IL22RA1: variants seen among roughly 807,000 people sequenced by gnomAD.
IL22RA1 encodes the protein interleukin 22 receptor subunit alpha 1.
A neutral mutation model predicts 32.8 loss-of-function variants in IL22RA1; 25 were observed. The observed-to-expected ratio is 0.76, with a 90% CI of 0.55 to 1.06. The LOEUF is 1.06. Among genes scored for constraint, IL22RA1 ranks in the 50% least tolerant of loss-of-function variants. The probability of loss-of-function intolerance (pLI) is 0.00; values close to 1 mark genes in which losing one functional copy is unlikely to be tolerated. For missense variants in IL22RA1, 709 were observed against 727.4 expected, an observed-to-expected ratio of 0.97 and a Z score of 0.29; for synonymous variants, 305 against 305.0, an observed-to-expected ratio of 1.00 and a Z score of 0.00.
chr1:24,135,597 T>A (rs910247048), intron 3 of IL22RA1, among the ~76,000 whole-genome samples: 1 of 152,194 alleles, frequency 6.6e-6, no homozygotes, highest in African/African-American at 2.4e-5. Flanking sequence ...GGGTAATTTA[T>A]AAAGGAAAGA....
Position 24,121,668 on chromosome 1 carries a change from C to A in IL22RA1, c.862G>T (p.Asp288Tyr), listed in dbSNP as rs1427837314. 1.9e-6 allele frequency: 3 copies of A among 1,605,260 alleles called. No homozygotes were observed. Among genetic ancestry groups the A allele is most frequent in the Non-Finnish European group, 2.6e-6 (3 of 1,174,724 alleles). The change falls in exon 7 of 7, where the codon GAC (aspartate) becomes TAC (tyrosine). Residue 288 changes from aspartate to tyrosine, a missense_variant. Coordinates refer to ENST00000270800, the MANE Select transcript of IL22RA1 (RefSeq NM_021258.4). Reference protein sequence around the residue: ...IQEHVLIPVFDLSGPSSLAQP... With the variant: ...IQEHVLIPVFYLSGPSSLAQP... Reference sequence around the variant, plus strand: ...GCCAGACTGCTGGGGCCGCTGAGGTCAAAGACAGGGATCAGGACGTGCTCC... The same window carrying A: ...GCCAGACTGCTGGGGCCGCTGAGGTAAAAGACAGGGATCAGGACGTGCTCC...
intron 3 of IL22RA1, chr1:24,134,803 T>C: frequency 1.0e-6 from 1 of 974,144 alleles, no homozygotes. Flanking sequence ...TGGGGCCTAA[T>C]ACTATTGATG....
chr1:24,129,900 T>A (rs1327791581), intron 4 of IL22RA1, among the ~76,000 whole-genome samples: 7 of 152,196 alleles, frequency 4.6e-5, no homozygotes, highest in Non-Finnish European at 1.0e-4. Context: ...CCCTGATTCC[T>A]CCTTTCCCAA....
intron 2 of IL22RA1, 100 bp from the exon 3 acceptor site, chr1:24,137,409 C>T: frequency 9.2e-7 from 1 of 1,086,474 alleles, no homozygotes; most frequent in Non-Finnish European, 1.3e-6. Context: ...ATTTACTTAG[C>T]ACGTTCAGTG....
At chr1:24,131,169 C>G (rs1043613805) in intron 4 of IL22RA1, among the ~76,000 whole-genome samples, 26 of 151,926 alleles carry the variant, frequency 1.7e-4, no homozygotes, top group Admixed American at 3.9e-4. Flanking sequence ...ATTTAAAAAC[C>G]CACTGAATTA....
chr1:24,142,955 G>T, intron 1 of IL22RA1, 85 bp downstream of exon 1: 1 of 1,314,240 alleles, frequency 7.6e-7, no homozygotes, highest in Non-Finnish European at 1.1e-6. Context: ...GCTATGCTCG[G>T]GCTGGGGAGG....
At chr1:24,129,268 T>G (rs928008406) in intron 4 of IL22RA1, among the ~76,000 whole-genome samples, 1 of 152,218 alleles carries the variant, frequency 6.6e-6, no homozygotes, top group African/African-American at 2.4e-5. Flanking sequence ...CTCCAGCCAC[T>G]TAGTGATCTT....
At chr1:24,131,068 T>G (rs1480308204) in intron 4 of IL22RA1, among the ~76,000 whole-genome samples, 1 of 152,200 alleles carries the variant, frequency 6.6e-6, no homozygotes, top group Non-Finnish European at 1.5e-5. Context: ...AAGCTCATAT[T>G]GAATGAATGA....
At chr1:24,124,254 T>A (rs928370522) in intron 5 of IL22RA1, among the ~76,000 whole-genome samples, 1 of 151,968 alleles carries the variant, frequency 6.6e-6, no homozygotes, top group African/African-American at 2.4e-5. Context: ...AGGGGAGAAG[T>A]GAAAACAGGG....
intron 1 of IL22RA1, among the ~76,000 whole-genome samples, chr1:24,139,924 C>T (rs1644269139): frequency 6.6e-6 from 1 of 152,274 alleles, no homozygotes; most frequent in African/African-American, 2.4e-5. Flanking sequence ...AGTGACTTGC[C>T]CCAAGTTGAT....
At chr1:24,136,233 G>C (rs1437796385) in intron 3 of IL22RA1, among the ~76,000 whole-genome samples, 1 of 152,220 alleles carries the variant, frequency 6.6e-6, no homozygotes, top group Non-Finnish European at 1.5e-5. Context: ...GGGATTACAA[G>C]TGTGAGCCAC....
intron 1 of IL22RA1, among the ~76,000 whole-genome samples, chr1:24,141,285 G>A (rs1488824934): frequency 6.6e-6 from 1 of 152,206 alleles, no homozygotes; most frequent in Non-Finnish European, 1.5e-5. Context: ...CCTGGATTCA[G>A]GGCTGAGTCT....
At chr1:24,131,803 G>A (rs1249569004) in intron 4 of IL22RA1, among the ~76,000 whole-genome samples, 1 of 152,064 alleles carries the variant, frequency 6.6e-6, no homozygotes, top group Non-Finnish European at 1.5e-5. Context: ...CCAACCAACT[G>A]CAAAATATAC....
chr1:24,140,198 C>G lies in IL22RA1; in HGVS notation c.44-1484G>C, dbSNP rs551245154. Among the ~76,000 whole-genome samples the G allele has an allele frequency of 1.6e-3, 238 of 152,346 alleles. 1 individual carries two copies. Among genetic ancestry groups the G allele is most frequent in the Non-Finnish European group, 2.5e-3 (173 of 68,034 alleles). On this transcript the variant is annotated intron_variant, in intron 1 of 6. Coordinates refer to ENST00000270800, the MANE Select transcript of IL22RA1 (RefSeq NM_021258.4). ...TCACTATCCCCATTTGATGAATGAG[C>G]TGAGGCTCAGAGAGAGCTGCCGCCC... is the stretch of plus-strand genomic sequence containing the variant.
At chr1:24,128,965 G>T (rs764051508) in intron 4 of IL22RA1, among the ~76,000 whole-genome samples, 1 of 152,166 alleles carries the variant, frequency 6.6e-6, no homozygotes, top group Non-Finnish European at 1.5e-5. Context: ...CAGCCCACCT[G>T]GCTCTGCAGG....
Position 24,120,274 on chromosome 1 carries a change from C to A in IL22RA1, c.*531G>T, listed in dbSNP as rs1644110326. 1 of 152,536 alleles carries A rather than the reference C, an allele frequency of 6.6e-6. No homozygotes were observed. The allele number at this position is 152,536 out of a possible 1,614,324, so 9.4% of individuals were successfully genotyped here. On this transcript the variant is annotated 3_prime_UTR_variant, in exon 7 of 7. Coordinates refer to ENST00000270800, the MANE Select transcript of IL22RA1 (RefSeq NM_021258.4). ...GTCCTGCCGTCCTGCTGGCCCTGGC[C>A]TTGGCAGAAGTGCAGGTTGTTCTGG...
In IL22RA1 at chr1:24,138,077, C is replaced by T. The variant is rs140401356; in HGVS notation, c.176+505G>A. ...GGAGTGGAAGCCAGGTTTGAGGACT[C>T]CTGAGCCCAGGCCACCCCTCCTCAC... On this transcript the variant is annotated intron_variant, in intron 2 of 6. Coordinates refer to ENST00000270800, the MANE Select transcript of IL22RA1 (RefSeq NM_021258.4). 6.5e-3 allele frequency among the ~76,000 whole-genome samples: 989 copies of T among 152,256 alleles called. 3 individuals carry two copies. The highest frequency in any genetic ancestry group is 0.027 in the Middle Eastern group (8 of 294).
intron 3 of IL22RA1, chr1:24,134,770 A>G: frequency 1.2e-6 from 1 of 839,796 alleles, no homozygotes; most frequent in South Asian, 5.5e-5. Flanking sequence ...CAATGACATC[A>G]ACTACACATC....
At chr1:24,142,062 C>T (rs1644285064) in intron 1 of IL22RA1, among the ~76,000 whole-genome samples, 1 of 152,162 alleles carries the variant, frequency 6.6e-6, no homozygotes, top group South Asian at 2.1e-4. Context: ...ACCAGTATGG[C>T]TGAGGGTCTA....
Sources: allele counts gnomAD v4.1 joint callset (sites outside exome capture counted in the v4.1 genomes callset), GRCh38; gene constraint gnomAD v4.1.1; transcripts MANE v1.5; gene names NCBI Gene and HGNC (gene_info 2026-07-23, HGNC 2026-07-21).